Variants in UNC5A observed in about 807,000 individuals in gnomAD.
The protein encoded by UNC5A is netrin receptor UNC5A.
Under a neutral mutation model 87.4 loss-of-function variants are expected in UNC5A, and 20 were observed. The ratio of observed to expected loss-of-function variants is 0.23; its 90% CI spans 0.16 to 0.33. UNC5A has a LOEUF of 0.33. Among genes scored for constraint, UNC5A ranks in the 10% least tolerant of loss-of-function variants. UNC5A has a pLI of 1.00. For missense variants in UNC5A, 844 were observed against 1,133.4 expected (o/e 0.74, Z 3.67); for synonymous variants, 438 against 482.3 (o/e 0.91, Z 1.20).
Position 176,824,375 on chromosome 5 carries a change from C to T in UNC5A, c.70+13555C>T, listed in dbSNP as rs1756801947. Among the ~76,000 whole-genome samples the T allele has an allele frequency of 6.6e-6, 1 of 152,098 alleles. No individual in the cohort carries two copies. The highest frequency in any genetic ancestry group is 6.6e-5 in the Admixed American group (1 of 15,266). On this transcript the variant is annotated intron_variant, in intron 1 of 14. Transcript: ENST00000329542. This position sits in a 1 kb window ranked among gnomAD's most constrained non-coding sequence, Gnocchi z 4.2. ...GCTGCTGTTAACAGCCTTCCTGGCCCTAGATCCACAAACTTCCCGCTTTAA... is the reference window on the plus strand; with the variant it reads ...GCTGCTGTTAACAGCCTTCCTGGCCTTAGATCCACAAACTTCCCGCTTTAA...
At position 176,874,459 on chromosome 5, in the gene UNC5A, C is replaced by G; in HGVS notation, c.1271C>G (p.Ser424Cys). 1 of 1,613,242 alleles carries G rather than the reference C, an allele frequency of 6.2e-7. No individual in the cohort carries two copies. The highest frequency in any genetic ancestry group is 1.1e-5 in the South Asian group (1 of 90,948). The change falls in exon 8 of 15, where the codon TCC (serine) becomes TGC (cysteine). Residue 424 changes from serine to cysteine, a missense_variant. Ser to Cys is a moderately radical substitution (Grantham distance 112). Around this residue, in one of 3 missense-constraint regions of UNC5A, gnomAD observed 353 missense variants for 387.5 expected, o/e 0.91. Transcript: ENST00000329542. This position sits in a 1 kb window ranked among gnomAD's most constrained non-coding sequence, Gnocchi z 7.6. ...ACCTCTGAGGCCGAGGAGTTCGTCT[C>G]CCGCCTCTCCACCCAGAACTACTTC... ...SPTSEAEEFV[S>C]RLSTQNYFRS... is the part of the protein sequence containing the mutation.
chr5:176,847,234 C>T (rs756145723), intron 1 of UNC5A, among the ~76,000 whole-genome samples: 3 of 152,198 alleles, frequency 2.0e-5, no homozygotes, highest in South Asian at 2.1e-4. Context: ...GAAAATGCCC[C>T]GTTCCCATCC....
At chr5:176,843,117 C>T (rs563484457) in intron 1 of UNC5A, among the ~76,000 whole-genome samples, 3 of 149,006 alleles carry the variant, frequency 2.0e-5, no homozygotes, top group Admixed American at 6.7e-5. Context: ...GCCGAGATCG[C>T]GTCATTGCAC....
chr5:176,877,987 C>T lies in UNC5A; in HGVS notation c.1729C>T (p.Arg577Cys), dbSNP rs764305277. The change falls in exon 11 of 15, where the codon CGC becomes TGC. Residue 577 changes from arginine to cysteine, a missense_variant. Transcript: ENST00000329542. The part of the protein sequence containing the change: ...ACYVFTEQLG[R>C]FALVGEALSV... ...CTACGTCTTCACCGAGCAGCTGGGC[C>T]GCTTTGCCCTGGTGGGAGAGGCCCT... 4 of 1,605,858 alleles carry T rather than the reference C, an allele frequency of 2.5e-6. No individual in the cohort carries two copies. Among genetic ancestry groups the T allele is most frequent in the African/African-American group, 1.3e-5 (1 of 75,050 alleles).
rs1396552048 is a variant in UNC5A at position 176,830,673 on chromosome 5, TG to T, written c.70+19856del. Among the ~76,000 whole-genome samples, 21 of 141,840 alleles carry T rather than the reference TG, an allele frequency of 1.5e-4. 1 individual carries two copies. The highest frequency in any genetic ancestry group is 3.2e-4 in the Non-Finnish European group (21 of 65,726). 93.1% of individuals were successfully genotyped at this position (141,840 alleles called of 152,430 possible). A position where few individuals can be genotyped will look rare whatever the true frequency, so the allele number is the denominator to read the frequency against. On this transcript the variant is annotated intron_variant, in intron 1 of 14. Transcript: ENST00000329542. ...ATTTGTGTGTGTGTGCTGGTGTGTGTGGGAGTGTGTGCTGGCATGTGTGTGC... is the reference window on the plus strand; with the variant it reads ...ATTTGTGTGTGTGTGCTGGTGTGTGTGGAGTGTGTGCTGGCATGTGTGTGC...
rs1758185931 is a variant in UNC5A, at chr5:176,873,685, G to A, written c.887-283G>A. ...CAGGCACCAGGTTATCCGCTCTGGG[G>A]AAGTAGCTCTTCCCCTCCTGCATCC... On this transcript the variant is annotated intron_variant, in intron 6 of 14. Coordinates refer to ENST00000329542, the MANE Select transcript of UNC5A (RefSeq NM_133369.3). Among the ~76,000 whole-genome samples the A allele has an allele frequency of 3.9e-5, 6 of 152,188 alleles. 2 individuals carry two copies. In the South Asian group the frequency reaches 1.2e-3, roughly 31 times the overall value.
At chr5:176,832,636 G>A (rs1026367278) in intron 1 of UNC5A, among the ~76,000 whole-genome samples, 2 of 152,192 alleles carry the variant, frequency 1.3e-5, no homozygotes, top group Admixed American at 6.5e-5. Flanking sequence ...CTCAGGTTGG[G>A]AAGCTAAGTT....
chr5:176,858,414 C>A (rs1204252613), intron 1 of UNC5A, among the ~76,000 whole-genome samples: 1 of 152,072 alleles, frequency 6.6e-6, no homozygotes, highest in African/African-American at 2.4e-5. Flanking sequence ...GCTCCTGCCT[C>A]GGAGGGATCC....
chr5:176,870,851 C>T (rs1384370396), intron 6 of UNC5A, among the ~76,000 whole-genome samples: 1 of 146,850 alleles, frequency 6.8e-6, no homozygotes, highest in South Asian at 2.2e-4. Context: ...TGCCCACGCT[C>T]ACCCCACACC....
rs187078050 is a variant in UNC5A, at chr5:176,834,510, C to T, written c.70+23690C>T. On this transcript the variant is annotated intron_variant, in intron 1 of 14. Transcript: ENST00000329542. ...GGGGAAGAAAAATGCCAGGAAAGGA[C>T]GAAAAAGAGAATAAGAGGGATCTGG... 5.3e-4 allele frequency among the ~76,000 whole-genome samples: 80 copies of T among 152,156 alleles called. 1 individual carries two copies. The East Asian group carries it at 0.013, about 25-fold the overall frequency.
chr5:176,837,457 T>C (rs1757173862), intron 1 of UNC5A, among the ~76,000 whole-genome samples: 1 of 152,052 alleles, frequency 6.6e-6, no homozygotes, highest in South Asian at 2.1e-4. Flanking sequence ...GCCGGCTGAA[T>C]AGGAGCTGAC....
At chr5:176,811,272 A>G (rs1314121327) in intron 1 of UNC5A, among the ~76,000 whole-genome samples, 2 of 152,110 alleles carry the variant, frequency 1.3e-5, no homozygotes, top group African/African-American at 4.8e-5. Context: ...GCCACTCACA[A>G]TCTCCCAGCT....
intron 1 of UNC5A, among the ~76,000 whole-genome samples, chr5:176,813,448 A>AG (rs1756517472): frequency 1.3e-5 from 2 of 152,142 alleles, no homozygotes; most frequent in South Asian, 4.1e-4. Flanking sequence ...CAGCTGGCTG[A>AG]GGGGGTCTTA....
chr5:176,879,964 T>G lies in UNC5A; in HGVS notation c.*78T>G. 2 of 1,502,562 alleles carry G rather than the reference T, an allele frequency of 1.3e-6. No homozygotes were observed. Among genetic ancestry groups the G allele is most frequent in the Non-Finnish European group, 1.8e-6 (2 of 1,122,504 alleles). 93.1% of individuals were successfully genotyped at this position (1,502,562 alleles called of 1,614,324 possible). On this transcript the variant is annotated 3_prime_UTR_variant, in exon 15 of 15. Transcript: ENST00000329542. ...ACAGGCAGAAGCCGGACAGGGGCCCTTCCCCACACCGGGGAGAGCTGCTCG... is the reference window on the plus strand; with the variant it reads ...ACAGGCAGAAGCCGGACAGGGGCCCGTCCCCACACCGGGGAGAGCTGCTCG...
intron 1 of UNC5A, among the ~76,000 whole-genome samples, chr5:176,819,692 C>T (rs1055250015): frequency 6.6e-6 from 1 of 152,226 alleles, no homozygotes; most frequent in African/African-American, 2.4e-5. Context: ...CAGTGCCCTG[C>T]CCAGTTGTGT....
Position 176,878,321 on chromosome 5 carries a change from C to T in UNC5A, c.1947C>T (p.Tyr649=). ...EPRVLHFKDS[Y]HNLRLSIHDV... ...GGGTCCTGCACTTCAAGGACAGTTA[C>T]CACAACCTGCGCCTATCCATCCACG... Residue 649 remains tyrosine, a synonymous_variant, in exon 12 of 15, where the codon TAC becomes TAT. Transcript: ENST00000329542. 1.9e-6 allele frequency: 3 copies of T among 1,613,428 alleles called. No homozygotes were observed. Among genetic ancestry groups the T allele is most frequent in the Non-Finnish European group, 2.5e-6 (3 of 1,180,022 alleles).
At chr5:176,870,848 G>A (rs1467884889) in intron 6 of UNC5A, among the ~76,000 whole-genome samples, 48 of 91,616 alleles carry the variant, frequency 5.2e-4, no homozygotes, top group African/African-American at 9.4e-4. Context: ...ATCTGCCCAC[G>A]CTCACCCCAC....
intron 1 of UNC5A, among the ~76,000 whole-genome samples, chr5:176,835,345 C>T (rs1002515979): frequency 6.6e-6 from 1 of 152,208 alleles, no homozygotes; most frequent in Non-Finnish European, 1.5e-5. Flanking sequence ...GAACAGAGGC[C>T]GCTTGCCCAG....
intron 1 of UNC5A, among the ~76,000 whole-genome samples, chr5:176,831,665 TGA>T (rs1161072298): frequency 3.3e-5 from 5 of 152,240 alleles, no homozygotes; most frequent in African/African-American, 7.2e-5. Context: ...ATAAGCACAG[TGA>T]CCTCACACCT....
Sources: allele counts gnomAD v4.1 joint callset (sites outside exome capture counted in the v4.1 genomes callset), GRCh38; gene constraint gnomAD v4.1.1; regional missense constraint gnomAD v4.1.1; non-coding constraint Gnocchi (gnomAD v3.1); transcripts MANE v1.5; gene names NCBI Gene and HGNC (gene_info 2026-07-23, HGNC 2026-07-21).